The following FABP3 variants were observed in gnomAD, a reference collection of about 807,000 sequenced individuals.
FABP3 encodes the protein fatty acid-binding protein, heart.
FABP3 carries 8 observed loss-of-function variants against 13.4 expected under a neutral mutation model. That is an observed-to-expected ratio of 0.60 (90% CI 0.35 to 1.07). The LOEUF (loss-of-function observed/expected upper bound fraction) is 1.07, where lower values mean the gene tolerates loss of function less well. Ranked by LOEUF, FABP3 falls within the 50% of genes least tolerant of loss-of-function variation. The probability of loss-of-function intolerance (pLI) is 0.02; values close to 1 mark genes in which losing one functional copy is unlikely to be tolerated. For synonymous variants in FABP3, 64 were observed against 60.0 expected (o/e 1.07, Z -0.31); for missense variants, 135 against 164.7 (o/e 0.82, Z 0.99).
chr1:31,363,749 T>C (rs577288024), downstream of FABP3, among the ~76,000 whole-genome samples: 1 of 152,326 alleles, frequency 6.6e-6, no homozygotes, highest in Non-Finnish European at 1.5e-5. Flanking sequence ...GCCACTGCAC[T>C]GCACTCTAGC....
chr1:31,361,499 C>T (rs1639891853), downstream of FABP3, among the ~76,000 whole-genome samples: 1 of 152,208 alleles, frequency 6.6e-6, no homozygotes, highest in African/African-American at 2.4e-5. Context: ...ATCCCTTGTT[C>T]TAAGTCACAT....
At chr1:31,363,182 C>CTTT (rs374893533), downstream of FABP3, among the ~76,000 whole-genome samples, 9 of 135,636 alleles carry the variant, frequency 6.6e-5, no homozygotes, top group Non-Finnish European at 1.1e-4. Context: ...ATGTCTTATA[C>CTTT]TTTTTTTTTT....
chr1:31,372,758 A>G (rs574949253), intron 1 of FABP3, among the ~76,000 whole-genome samples, 184 bp downstream of exon 1: 1 of 152,148 alleles, frequency 6.6e-6, no homozygotes, highest in African/African-American at 2.4e-5. Flanking sequence ...GTGGTCTCTA[A>G]CCAGATTTGG....
intron 1 of FABP3, among the ~76,000 whole-genome samples, chr1:31,370,739 A>C (rs1248552595): frequency 6.6e-6 from 1 of 152,190 alleles, no homozygotes; most frequent in Non-Finnish European, 1.5e-5. Flanking sequence ...GTAAAGAACA[A>C]AGAACTAATC....
At chr1:31,364,157 AAAG>A (rs771446754), downstream of FABP3, 86 of 1,613,748 alleles carry the variant, frequency 5.3e-5, no homozygotes, top group East Asian at 1.3e-4. Flanking sequence ...AGAAGAAGAA[AAAG>A]AAGAAGAAGC....
chr1:31,366,052 A>G (rs1044987360), intron 3 of FABP3, 113 bp from the exon 4 acceptor site: 19 of 778,840 alleles, frequency 2.4e-5, no homozygotes, highest in Middle Eastern at 3.2e-4. Context: ...TGTGCCGGCT[A>G]TATGTATGTA....
At chr1:31,365,146 C>T (rs1296274084), downstream of FABP3, among the ~76,000 whole-genome samples, 1 of 152,124 alleles carries the variant, frequency 6.6e-6, no homozygotes, top group East Asian at 1.9e-4. Flanking sequence ...GATCAGATGC[C>T]CTCTTCCCTC....
chr1:31,372,496 A>G (rs1557471688), intron 1 of FABP3, among the ~76,000 whole-genome samples: 2 of 151,692 alleles, frequency 1.3e-5, no homozygotes, highest in African/African-American at 4.8e-5. Context: ...TTCCCCACTA[A>G]TCTTTTTCCT....
chr1:31,366,244 A>G (rs1325194064), intron 3 of FABP3, among the ~76,000 whole-genome samples: 1 of 152,038 alleles, frequency 6.6e-6, no homozygotes, highest in East Asian at 1.9e-4. Context: ...CTTCCCTTAT[A>G]CCATTTGGCT....
intron 3 of FABP3, among the ~76,000 whole-genome samples, chr1:31,366,579 C>T (rs1402619439): frequency 6.6e-6 from 1 of 152,156 alleles, no homozygotes; most frequent in African/African-American, 2.4e-5. Context: ...TTATGCTGAC[C>T]CAAGAAGGTG....
chr1:31,362,769 T>C (rs1456859629), downstream of FABP3, among the ~76,000 whole-genome samples: 1 of 152,224 alleles, frequency 6.6e-6, no homozygotes, highest in Non-Finnish European at 1.5e-5. Context: ...AGTCACTGTT[T>C]CTAGATAGAC....
At chr1:31,372,307 C>T (rs116781971) in intron 1 of FABP3, among the ~76,000 whole-genome samples, 3,430 of 152,224 alleles carry the variant, frequency 0.023, 61 homozygotes, top group Non-Finnish European at 0.035. Flanking sequence ...CCACGAGGCT[C>T]ACAGACAGTG....
chr1:31,364,153 A>G (rs746457316), downstream of FABP3: 14 of 1,613,820 alleles, frequency 8.7e-6, no homozygotes, highest in Middle Eastern at 3.3e-4. Flanking sequence ...GCAAAGAAGA[A>G]GAAAAAGAAG....
At chr1:31,367,755 G>A (rs915566894) in intron 2 of FABP3, among the ~76,000 whole-genome samples, 3 of 152,230 alleles carry the variant, frequency 2.0e-5, no homozygotes, top group African/African-American at 7.2e-5. Flanking sequence ...GTATGGTGGA[G>A]CCAGAGAGCC....
chr1:31,369,299 G>T, intron 2 of FABP3, 86 bp downstream of exon 2: 1 of 1,388,680 alleles, frequency 7.2e-7, no homozygotes, highest in Non-Finnish European at 1.0e-6. Context: ...CCCTCAGGGT[G>T]CAATACCAGG....
intron 1 of FABP3, among the ~76,000 whole-genome samples, chr1:31,371,547 C>T (rs1640209877): frequency 6.6e-6 from 1 of 152,162 alleles, no homozygotes; most frequent in Admixed American, 6.6e-5. Context: ...TGCTGGCTGC[C>T]TTAACATAAG....
downstream of FABP3, among the ~76,000 whole-genome samples, chr1:31,360,289 C>T (rs1235190391): frequency 2.6e-5 from 4 of 152,246 alleles, no homozygotes; most frequent in South Asian, 4.1e-4. Flanking sequence ...CCTGCCTCAG[C>T]CTCCCGAGTA....
intron 1 of FABP3, among the ~76,000 whole-genome samples, chr1:31,372,207 A>G (rs966572868): frequency 3.3e-5 from 5 of 152,226 alleles, no homozygotes; most frequent in South Asian, 2.1e-4. Context: ...CAGAAGTCCA[A>G]TGGCTTTCTC....
At chr1:31,370,125 A>G (rs1640181654) in intron 1 of FABP3, among the ~76,000 whole-genome samples, 1 of 148,366 alleles carries the variant, frequency 6.7e-6, no homozygotes, top group African/African-American at 2.5e-5. Context: ...AAAAGCTACT[A>G]TTAAGTACTA....
Sources: gnomAD v4.1 joint callset for allele counts (sites outside exome capture counted in the v4.1 genomes callset) on GRCh38, gnomAD v4.1.1 for gene constraint, MANE v1.5 for transcripts, NCBI Gene and HGNC (gene_info 2026-07-23, HGNC 2026-07-21) for gene names.